CLRN1: variants seen among roughly 807,000 people sequenced by gnomAD.
The protein encoded by CLRN1 is clarin 1, also known as clarin-1.
Under a neutral mutation model 18.7 loss-of-function variants are expected in CLRN1, and 15 were observed. The ratio of observed to expected loss-of-function variants is 0.80; its 90% confidence interval spans 0.54 to 1.23. The LOEUF is 1.23. Ranked by LOEUF, CLRN1 falls within the 50% of genes most tolerant of loss-of-function variation. The pLI is 0.00. For synonymous variants in CLRN1, 104 were observed against 102.9 expected (o/e 1.01, Z -0.07); for missense variants, 311 against 277.5 (o/e 1.12, Z -0.86).
intron 2 of CLRN1, among the ~76,000 whole-genome samples, chr3:150,941,130 G>GTCTATCTA (rs1294940340): frequency 5.6e-4 from 18 of 31,998 alleles, no homozygotes; most frequent in Non-Finnish European, 1.1e-3. Context: ...TGTATTGTCT[G>GTCTATCTA]TCTGTCTGTC....
intron 1 of CLRN1, among the ~76,000 whole-genome samples, chr3:150,950,295 A>G (rs1009053132): frequency 2.0e-5 from 3 of 152,256 alleles, no homozygotes; most frequent in Non-Finnish European, 4.4e-5. Flanking sequence ...TTGCAACAAA[A>G]GCAAAAATTG....
At chr3:150,937,683 A>G (rs181889911) in intron 2 of CLRN1, among the ~76,000 whole-genome samples, 1 of 152,326 alleles carries the variant, frequency 6.6e-6, no homozygotes, top group African/African-American at 2.4e-5. Flanking sequence ...GCTGACTTGC[A>G]TGGGTTTCAT....
intron 1 of CLRN1, among the ~76,000 whole-genome samples, chr3:150,972,009 A>G (rs547769517): frequency 3.0e-4 from 46 of 152,324 alleles, no homozygotes; most frequent in African/African-American, 1.0e-3. Context: ...AGCAGGAATA[A>G]TGGGAGGGAG....
chr3:150,945,777 A>T (rs1326050344), intron 1 of CLRN1: 1 of 644,776 alleles, frequency 1.6e-6, no homozygotes, highest in Non-Finnish European at 2.2e-6. Flanking sequence ...ATCCTGTGTT[A>T]GCTAGGGTAT....
intron 2 of CLRN1, among the ~76,000 whole-genome samples, chr3:150,941,135 T>TCTATCTATCTATCTAC (rs1328657964): frequency 1.1e-4 from 2 of 17,592 alleles, no homozygotes; most frequent in African/African-American, 1.7e-4. Context: ...TGTCTGTCTG[T>TCTATCTATCTATCTAC]CTGTCTATCT....
intron 1 of CLRN1, among the ~76,000 whole-genome samples, chr3:150,966,344 G>A (rs1001571477): frequency 5.9e-5 from 9 of 152,156 alleles, no homozygotes; most frequent in African/African-American, 1.9e-4. Flanking sequence ...CTCTTGGAGT[G>A]TTAAACATAT....
intron 1 of CLRN1, among the ~76,000 whole-genome samples, chr3:150,943,652 A>C (rs1332963292): frequency 6.6e-6 from 1 of 152,246 alleles, no homozygotes. Context: ...GTGGGTACCC[A>C]AAAAGACTGT....
intron 1 of CLRN1, among the ~76,000 whole-genome samples, chr3:150,954,112 C>A (rs1473636442): frequency 6.6e-6 from 1 of 152,120 alleles, no homozygotes; most frequent in African/African-American, 2.4e-5. Flanking sequence ...CAATTTCACC[C>A]TTCTAAAAAC....
intron 1 of CLRN1, among the ~76,000 whole-genome samples, chr3:150,943,218 G>A (rs1713961119): frequency 6.6e-6 from 1 of 152,142 alleles, no homozygotes; most frequent in African/African-American, 2.4e-5. Context: ...CCTCACTTTT[G>A]AGCTGAAAAG....
intron 1 of CLRN1, among the ~76,000 whole-genome samples, chr3:150,960,791 T>C (rs1261800673): frequency 3.9e-5 from 6 of 152,218 alleles, no homozygotes; most frequent in Admixed American, 3.9e-4. Context: ...TTATTTCTGA[T>C]AAAACTGTTA....
At chr3:150,948,603 A>G (rs1256634196) in intron 1 of CLRN1, among the ~76,000 whole-genome samples, 1 of 151,760 alleles carries the variant, frequency 6.6e-6, no homozygotes, top group Non-Finnish European at 1.5e-5. Context: ...AAACTAGAAA[A>G]CCTAGAAGAG....
chr3:150,941,509 T>C, intron 2 of CLRN1, 73 bp downstream of exon 2: 1 of 1,442,010 alleles, frequency 6.9e-7, no homozygotes, highest in Non-Finnish European at 9.7e-7. Context: ...ATTATAACTT[T>C]ATATTTAGGT....
At chr3:150,944,811 A>T (rs1714081199) in intron 1 of CLRN1, among the ~76,000 whole-genome samples, 1 of 152,132 alleles carries the variant, frequency 6.6e-6, no homozygotes, top group Admixed American at 6.5e-5. Flanking sequence ...TGAGCAACTG[A>T]ATAAATGGTG....
rs115239799 is a variant in CLRN1, at chr3:150,954,171, C to T, written c.254-12410G>A. On this transcript the variant is annotated intron_variant, in intron 1 of 2. Coordinates refer to ENST00000327047, the MANE Select transcript of CLRN1 (RefSeq NM_174878.3). Reference sequence around the variant, plus strand: ...TTTGCCCCTTTACAGTCAATCCATCCTCTACCCCCAGGTCCTATGTGTAAC... The same window carrying T: ...TTTGCCCCTTTACAGTCAATCCATCTTCTACCCCCAGGTCCTATGTGTAAC... 5.1e-3 allele frequency among the ~76,000 whole-genome samples: 772 copies of T among 152,308 alleles called. 8 individuals are homozygous for T. The highest frequency in any genetic ancestry group is 0.018 in the African/African-American group (732 of 41,572).
chr3:150,936,138 T>C (rs536675435), intron 2 of CLRN1, among the ~76,000 whole-genome samples: 1 of 152,280 alleles, frequency 6.6e-6, no homozygotes, highest in African/African-American at 2.4e-5. Flanking sequence ...AGCTCTTTAG[T>C]TTAATTAGAT....
chr3:150,962,354 C>A (rs1198349825), intron 1 of CLRN1, among the ~76,000 whole-genome samples: 1 of 152,080 alleles, frequency 6.6e-6, no homozygotes, highest in African/African-American at 2.4e-5. Flanking sequence ...AGATGACAGG[C>A]AAATTTTTCA....
chr3:150,966,855 T>A (rs1015789367), intron 1 of CLRN1, among the ~76,000 whole-genome samples: 1 of 152,190 alleles, frequency 6.6e-6, no homozygotes, highest in Non-Finnish European at 1.5e-5. Context: ...ATCATGTGAC[T>A]AAGATTAGAA....
chr3:150,937,961 G>C (rs549286088), intron 2 of CLRN1, among the ~76,000 whole-genome samples: 17 of 152,148 alleles, frequency 1.1e-4, no homozygotes, highest in Admixed American at 2.6e-4. Context: ...AGACAATTGG[G>C]AGGACTTCTT....
intron 2 of CLRN1, among the ~76,000 whole-genome samples, chr3:150,932,380 T>C (rs750143316): frequency 6.6e-6 from 1 of 152,194 alleles, no homozygotes; most frequent in Non-Finnish European, 1.5e-5. Context: ...TCCTATGGGT[T>C]TGGCTCCTCG....
Sources: allele counts gnomAD v4.1 joint callset (sites outside exome capture counted in the v4.1 genomes callset), GRCh38; gene constraint gnomAD v4.1.1; transcripts MANE v1.5; gene names NCBI Gene and HGNC (gene_info 2026-07-23, HGNC 2026-07-21).